Variants in MASP1 observed in about 807,000 individuals in gnomAD.
MASP1 encodes MBL associated serine protease 1, also known as mannan-binding lectin serine protease 1.
A neutral mutation model predicts 77.1 loss-of-function variants in MASP1; 59 were observed. The ratio of observed to expected loss-of-function variants is 0.77; its 90% CI spans 0.62 to 0.95. MASP1 has a LOEUF of 0.95. Among genes scored for constraint, MASP1 ranks in the 40% least tolerant of loss-of-function variants. The pLI, the probability that MASP1 is intolerant of heterozygous loss-of-function variation, is 0.00. For synonymous variants in MASP1, 362 were observed against 354.5 expected (o/e 1.02, Z -0.24); for missense variants, 885 against 912.9 (o/e 0.97, Z 0.39).
intron 2 of MASP1, among the ~76,000 whole-genome samples, chr3:187,281,957 A>G (rs1360136597): frequency 1.3e-5 from 2 of 152,188 alleles, no homozygotes; most frequent in East Asian, 3.9e-4. Flanking sequence ...GCGATTAGAA[A>G]AAGTCAGTGG....
At chr3:187,289,864 A>C (rs1296324813) in intron 1 of MASP1, among the ~76,000 whole-genome samples, 2 of 152,152 alleles carry the variant, frequency 1.3e-5, no homozygotes. Flanking sequence ...CTTATCCATA[A>C]ATCCTTACTT....
Position 187,260,876 on chromosome 3 carries a change from T to C in MASP1, c.416-4A>G, listed in dbSNP as rs1180886459. 2 of 1,614,078 alleles carry C rather than the reference T, an allele frequency of 1.2e-6. No homozygotes were observed. Among genetic ancestry groups the C allele is most frequent in the Non-Finnish European group, 1.7e-6 (2 of 1,179,958 alleles). On this transcript the variant is annotated splice_polypyrimidine_tract_variant and splice_region_variant and intron_variant, in intron 3 of 10. Transcript: ENST00000296280. ...CTCTCCTTGCACTCGTCCACATCTG[T>C]AGGGCAGGTAAAGCCTCTCCATCAA... is the stretch of plus-strand genomic sequence containing the variant.
chr3:187,248,333 C>G (rs1026304280), intron 8 of MASP1, among the ~76,000 whole-genome samples: 2 of 152,010 alleles, frequency 1.3e-5, no homozygotes, highest in Admixed American at 1.3e-4. Flanking sequence ...AGGAGGAGTC[C>G]GTTTATCTTT....
At chr3:187,247,270 G>C in intron 8 of MASP1, 1 of 1,613,664 alleles carries the variant, frequency 6.2e-7, no homozygotes, top group Non-Finnish European at 8.5e-7. Flanking sequence ...GTGCAGCTCT[G>C]GGCCCCAGGG....
Position 187,227,610 on chromosome 3 carries a change from T to C in MASP1, c.1442-1090A>G, listed in dbSNP as rs542111238. ...TCTCAGAGCAGGTTCCAGGCTCCAC[T>C]TGGCCCTCTGAGAAGCAGCTATGTG... is the stretch of plus-strand genomic sequence containing the variant. On this transcript the variant is annotated intron_variant, in intron 11 of 15. Transcript: ENST00000337774. 3.2e-4 allele frequency among the ~76,000 whole-genome samples: 49 copies of C among 152,268 alleles called. 1 individual carries two copies. The South Asian group carries it at 9.7e-3, about 30-fold the overall frequency.
chr3:187,253,383 G>A, intron 5 of MASP1, 68 bp from the exon 6 acceptor site: 1 of 1,519,738 alleles, frequency 6.6e-7, no homozygotes. Flanking sequence ...GGCCACTGCA[G>A]GTAACACCTC....
chr3:187,244,371 TTGTCAGCAC>T (rs1713911742), intron 8 of MASP1: 1 of 152,468 alleles, frequency 6.6e-6, no homozygotes, highest in African/African-American at 2.4e-5. Flanking sequence ...CTTAGGGGAG[TTGTCAGCAC>T]TGATGGAGCC....
chr3:187,262,159 A>G (rs1264522158), intron 3 of MASP1, among the ~76,000 whole-genome samples: 1 of 152,222 alleles, frequency 6.6e-6, no homozygotes, highest in Non-Finnish European at 1.5e-5. Flanking sequence ...GGTTTGGGTT[A>G]CACACAAATA....
intron 2 of MASP1, among the ~76,000 whole-genome samples, chr3:187,275,787 C>A (rs1716915335): frequency 6.6e-6 from 1 of 150,820 alleles, no homozygotes; most frequent in African/African-American, 2.4e-5. Context: ...CCTGCCCCCA[C>A]CCCCCAATCT....
chr3:187,271,774 G>T (rs1271439934), intron 2 of MASP1, among the ~76,000 whole-genome samples: 1 of 152,040 alleles, frequency 6.6e-6, no homozygotes, highest in Non-Finnish European at 1.5e-5. Context: ...CACAGGAAGG[G>T]CAACTTAACT....
At chr3:187,279,446 G>T (rs1717234284) in intron 2 of MASP1, among the ~76,000 whole-genome samples, 1 of 112,468 alleles carries the variant, frequency 8.9e-6, no homozygotes, top group African/African-American at 3.8e-5. Flanking sequence ...ATTTTATGTT[G>T]TCATAATTCT....
chr3:187,236,224 G>A lies in MASP1; in HGVS notation c.1647C>T (p.Asn549=). The change falls in exon 11 of 11, where the codon AAC becomes AAT. Residue 549 remains asparagine (N), a synonymous_variant. Coordinates refer to ENST00000296280, the MANE Select transcript of MASP1 (RefSeq NM_139125.4). ...VVLHPDFNIQ[N]YNHDIALVQL... ...GCACCAGAGCTATATCGTGGTTGTA[G>A]TTTTGGATGTTGAAGTCTGGGTGGA... is the stretch of plus-strand genomic sequence containing the variant. 1 of 1,614,256 alleles carries A rather than the reference G, an allele frequency of 6.2e-7. No homozygotes were observed. Among genetic ancestry groups the A allele is most frequent in the Non-Finnish European group, 8.5e-7 (1 of 1,180,050 alleles).
rs34053057 is a variant in MASP1 at position 187,264,475 on chromosome 3, T to TAA, written c.238-1757_238-1756dup. Among the ~76,000 whole-genome samples the TAA allele has an allele frequency of 1.6e-4, 24 of 146,924 alleles. No homozygotes were observed. The East Asian group carries it at 3.5e-3, about 22-fold the overall frequency. On this transcript the variant is annotated intron_variant, in intron 2 of 10. Coordinates refer to ENST00000296280, the MANE Select transcript of MASP1 (RefSeq NM_139125.4). ...AAAATTTTCTTTTTGGTGTAACACT[T>TAA]AAAAAAAAAAAAGTACTTTAAAGAA...
intron 2 of MASP1, among the ~76,000 whole-genome samples, chr3:187,282,054 G>A (rs1717459009): frequency 6.6e-6 from 1 of 152,134 alleles, no homozygotes; most frequent in Admixed American, 6.5e-5. Flanking sequence ...CTCCTCTTCT[G>A]TCCAATAGGA....
downstream of MASP1, among the ~76,000 whole-genome samples, chr3:187,231,150 C>G (rs1391448559): frequency 1.3e-5 from 2 of 152,230 alleles, no homozygotes; most frequent in Non-Finnish European, 2.9e-5. Context: ...GAATGGGAAC[C>G]ATCCTCCTCA....
chr3:187,272,231 C>T (rs1033658673), intron 2 of MASP1, among the ~76,000 whole-genome samples: 13 of 152,176 alleles, frequency 8.5e-5, no homozygotes, highest in Non-Finnish European at 1.5e-5. Context: ...GCAATAAGAA[C>T]ATCTGTGCCC....
At chr3:187,291,468 C>A in intron 1 of MASP1, 160 bp downstream of exon 1, 1 of 970,358 alleles carries the variant, frequency 1.0e-6, no homozygotes. Context: ...CCAGCCCACC[C>A]ACAGCTCCCT....
chr3:187,247,296 C>T (rs1714170349), intron 8 of MASP1: 1 of 1,614,014 alleles, frequency 6.2e-7, no homozygotes, highest in Non-Finnish European at 8.5e-7. Context: ...GGGAGTGATC[C>T]ATTTCTGGAT....
chr3:187,281,451 A>T (rs1192722377), intron 2 of MASP1, among the ~76,000 whole-genome samples: 1 of 152,214 alleles, frequency 6.6e-6, no homozygotes, highest in Middle Eastern at 3.2e-3. Flanking sequence ...TTAGTCATAG[A>T]GGAAAAATGC....
Sources: gnomAD v4.1 joint callset for allele counts (sites outside exome capture counted in the v4.1 genomes callset) on GRCh38, gnomAD v4.1.1 for gene constraint, MANE v1.5 for transcripts, NCBI Gene and HGNC (gene_info 2026-07-23, HGNC 2026-07-21) for gene names.